Variants in COL11A1 observed in about 807,000 individuals in gnomAD.
COL11A1 encodes the protein collagen type XI alpha 1 chain.
In COL11A1, 74 loss-of-function variants were observed where a neutral mutation model predicts 265.2. That is an observed-to-expected ratio of 0.28 (90% CI 0.23 to 0.34). COL11A1 has a LOEUF of 0.34. COL11A1 is among the 10% of genes least tolerant of loss of function. COL11A1 has a pLI of 1.00. For missense variants in COL11A1, 2,165 were observed against 2,263.6 expected, an observed-to-expected ratio of 0.96 and a Z score of 0.88; for synonymous variants, 816 against 727.6, an observed-to-expected ratio of 1.12 and a Z score of -1.96.
intron 4 of COL11A1, among the ~76,000 whole-genome samples, chr1:103,036,887 G>A (rs1450691146): frequency 6.6e-6 from 1 of 151,972 alleles, no homozygotes; most frequent in East Asian, 1.9e-4. Flanking sequence ...TGTCAACTGG[G>A]TTTATACTAT....
intron 54 of COL11A1, among the ~76,000 whole-genome samples, chr1:102,899,831 G>A (rs1423386070): frequency 1.3e-5 from 2 of 151,912 alleles, no homozygotes; most frequent in East Asian, 1.9e-4. Flanking sequence ...GAGGCAGGAG[G>A]GTGACTGTTC....
rs758286552 is a variant in COL11A1, at chr1:102,881,693, A to G, written c.5040+4T>C. The G allele has an allele frequency of 5.6e-6, 9 of 1,608,594 alleles. No homozygotes were observed. The highest frequency in any genetic ancestry group is 6.0e-6 in the Non-Finnish European group (7 of 1,175,546). On this transcript the variant is annotated splice_donor_region_variant and intron_variant, in intron 65 of 66. Transcript: ENST00000370096. The stretch of plus-strand genomic sequence containing the variant: ...AATCGTTTCATGTTGAGGTAATAAC[A>G]TACCAGTTTTCCCCTCTTAAATTCA...
chr1:102,916,635 C>A (rs1418452323), intron 49 of COL11A1, among the ~76,000 whole-genome samples: 1 of 151,906 alleles, frequency 6.6e-6, no homozygotes, highest in African/African-American at 2.4e-5. Context: ...AATTTCAGGG[C>A]AGAGACTATT....
chr1:103,052,308 A>C (rs1669900025), intron 4 of COL11A1, among the ~76,000 whole-genome samples: 1 of 152,180 alleles, frequency 6.6e-6, no homozygotes, highest in Non-Finnish European at 1.5e-5. Flanking sequence ...GAATGTTCTC[A>C]TAGCCTATAG....
chr1:102,932,150 T>G (rs1316209996), intron 46 of COL11A1, among the ~76,000 whole-genome samples: 5 of 152,118 alleles, frequency 3.3e-5, no homozygotes, highest in Non-Finnish European at 5.9e-5. Context: ...GTTAGCTGGT[T>G]ATTTTGCTCG....
At chr1:103,104,417 A>G (rs969586630) in intron 1 of COL11A1, among the ~76,000 whole-genome samples, 2 of 152,142 alleles carry the variant, frequency 1.3e-5, no homozygotes, top group African/African-American at 4.8e-5. Context: ...TATTTTAGTC[A>G]CAAATTGAAG....
Position 103,002,739 on chromosome 1 carries a change from C to T in COL11A1, c.2043+8G>A, listed in dbSNP as rs2622875. The T allele has an allele frequency of 0.026, 42,287 of 1,609,480 alleles. 878 individuals carry two copies. Among genetic ancestry groups the T allele is most frequent in the African/African-American group, 0.1 (7,525 of 74,794 alleles). ...ATATGAGTTATTTTATCACTATTTG[C>T]TACATACCATGTTCCCTTTTGGTCC... On this transcript the variant is annotated splice_region_variant and intron_variant, in intron 22 of 66. Coordinates refer to ENST00000370096, the MANE Select transcript of COL11A1 (RefSeq NM_001854.4).
intron 41 of COL11A1, among the ~76,000 whole-genome samples, chr1:102,957,492 C>T (rs1660489675): frequency 1.3e-5 from 2 of 151,948 alleles, no homozygotes; most frequent in African/African-American, 2.4e-5. Flanking sequence ...CAACTACATT[C>T]CTTATGAATT....
In COL11A1 at chr1:103,108,265, G is replaced by T. The variant is rs1674872811; in HGVS notation, c.-87C>A. ...TCGTCCTTTCCAAGGTATCGCCAGG[G>T]ATGTTTGCTACACAGCCATTGGGGA... On this transcript the variant is annotated 5_prime_UTR_variant, in exon 1 of 67. Transcript: ENST00000370096. 5.0e-6 allele frequency: 5 copies of T among 1,005,934 alleles called. No homozygotes were observed. The highest frequency in any genetic ancestry group is 3.9e-5 in the South Asian group (3 of 76,232). The allele number at this position is 1,005,934 out of a possible 1,614,324, so 62.3% of individuals were successfully genotyped here.
At position 103,023,022 on chromosome 1, in the gene COL11A1, G is replaced by C. The variant is rs1263259410; in HGVS notation, c.991-26C>G. The C allele has an allele frequency of 1.9e-6, 3 of 1,604,348 alleles. No homozygotes were observed. In the Admixed American group the frequency reaches 5.0e-5, roughly 27 times the overall value. On this transcript the variant is annotated intron_variant, in intron 7 of 66. Transcript: ENST00000370096. ...CTATTAATTTAAATTGCAAGGAATT[G>C]AGGAACATGAAGTTTATTGTTAGTA...
Position 102,889,505 on chromosome 1 carries a change from C to A in COL11A1, c.4414G>T (p.Asp1472Tyr). ...GPPGEQGEKG[D>Y]RGLPGTQGSP... is the part of the protein sequence containing the mutation. ...CCTTGAGTTCCAGGGAGCCCTCGGT[C>A]ACCTTTTTCCCCTTGTTCTCCTGGA... The change falls in exon 59 of 67, where the codon GAC (aspartate) becomes TAC (tyrosine). Residue 1472 changes from aspartate (D) to tyrosine (Y), a missense_variant. Asp to Tyr is a radical substitution (Grantham distance 160). Coordinates refer to ENST00000370096, the MANE Select transcript of COL11A1 (RefSeq NM_001854.4). 5 of 1,613,660 alleles carry A rather than the reference C, an allele frequency of 3.1e-6. No individual in the cohort carries two copies. The highest frequency in any genetic ancestry group is 4.2e-6 in the Non-Finnish European group (5 of 1,179,838).
rs987252570 is a variant in COL11A1, at chr1:102,901,150, C to T, written c.4087-2156G>A. On this transcript the variant is annotated intron_variant, in intron 54 of 66. Coordinates refer to ENST00000370096, the MANE Select transcript of COL11A1 (RefSeq NM_001854.4). Reference sequence around the variant, plus strand: ...GCTGGGCCAACACAGTGAAACCCGTCTCTACTAAAAATACAAAAAATTAGC... The same window carrying T: ...GCTGGGCCAACACAGTGAAACCCGTTTCTACTAAAAATACAAAAAATTAGC... Among the ~76,000 whole-genome samples the T allele has an allele frequency of 4.4e-4, 67 of 152,050 alleles. 1 individual carries two copies. Among genetic ancestry groups the T allele is most frequent in the African/African-American group, 1.6e-3 (66 of 41,486 alleles).
chr1:102,933,539 C>G (rs1228941316), intron 46 of COL11A1, among the ~76,000 whole-genome samples: 2 of 151,936 alleles, frequency 1.3e-5, no homozygotes, highest in Non-Finnish European at 2.9e-5. Flanking sequence ...TTACTGTTGT[C>G]TTGTTTGTCA....
intron 5 of COL11A1, among the ~76,000 whole-genome samples, chr1:103,028,475 C>G (rs1474822845): frequency 6.6e-6 from 1 of 152,108 alleles, no homozygotes; most frequent in African/African-American, 2.4e-5. Flanking sequence ...AGCCTCATAA[C>G]ATATTTTTGG....
At chr1:103,106,764 G>A (rs1262455402) in intron 1 of COL11A1, among the ~76,000 whole-genome samples, 1 of 152,052 alleles carries the variant, frequency 6.6e-6, no homozygotes, top group Non-Finnish European at 1.5e-5. Context: ...CTGCTACTCG[G>A]GAAGCTGAAA....
At chr1:103,092,843 A>G (rs909843176) in intron 1 of COL11A1, among the ~76,000 whole-genome samples, 16 of 152,144 alleles carry the variant, frequency 1.1e-4, no homozygotes, top group African/African-American at 3.6e-4. Flanking sequence ...AAGCAGAGAA[A>G]AGTCATGACA....
intron 63 of COL11A1, among the ~76,000 whole-genome samples, chr1:102,884,890 G>A (rs1369776376): frequency 6.6e-6 from 1 of 152,096 alleles, no homozygotes; most frequent in East Asian, 1.9e-4. Context: ...ATAACCCTTA[G>A]TATACCATAT....
In COL11A1 at chr1:102,921,520, C is replaced by T. The variant is rs140292959; in HGVS notation, c.3706G>A (p.Asp1236Asn). 5.6e-6 allele frequency: 9 copies of T among 1,611,966 alleles called. No individual in the cohort carries two copies. The highest frequency in any genetic ancestry group is 7.6e-6 in the Non-Finnish European group (9 of 1,178,428). Reference protein sequence around the residue: ...PRGPQGPNGADGPQGPPGSVG... With the variant: ...PRGPQGPNGANGPQGPPGSVG... The stretch of plus-strand genomic sequence containing the variant: ...AACATATATTTCAGAGTTCTTACAT[C>T]AGCTCCATTGGGACCTTGAGGGCCT... The change falls in exon 48 of 67, where the codon GAT (aspartate) becomes AAT (asparagine). Residue 1236 changes from aspartate to asparagine, a missense_variant and splice_region_variant. By Grantham distance (23) the Asp-to-Asn change is conservative (BLOSUM62 1). Coordinates refer to ENST00000370096, the MANE Select transcript of COL11A1 (RefSeq NM_001854.4).
At chr1:103,019,786 T>G (rs1414266807) in intron 9 of COL11A1, among the ~76,000 whole-genome samples, 2 of 140,428 alleles carry the variant, frequency 1.4e-5, no homozygotes, top group African/African-American at 5.3e-5. Context: ...CCCCTTCCTG[T>G]GTCCATGTGA....
Sources: gnomAD v4.1 joint callset for allele counts (sites outside exome capture counted in the v4.1 genomes callset) on GRCh38, gnomAD v4.1.1 for gene constraint, MANE v1.5 for transcripts, NCBI Gene and HGNC (gene_info 2026-07-23, HGNC 2026-07-21) for gene names.